LHFPL6: variants seen among roughly 807,000 people sequenced by gnomAD.
LHFPL6 encodes the protein LHFPL tetraspan subfamily member 6 protein.
In LHFPL6, 9 loss-of-function variants were observed where a neutral mutation model predicts 20.6. The ratio of observed to expected loss-of-function variants is 0.44; its 90% CI spans 0.26 to 0.76. LHFPL6 has a LOEUF of 0.76. Among genes scored for constraint, LHFPL6 ranks in the 30% least tolerant of loss-of-function variants. The probability of loss-of-function intolerance (pLI) is 0.20; values close to 1 mark genes in which losing one functional copy is unlikely to be tolerated. For synonymous variants in LHFPL6, 105 were observed against 98.7 expected, an observed-to-expected ratio of 1.06 and a Z score of -0.38; for missense variants, 218 against 253.5, an observed-to-expected ratio of 0.86 and a Z score of 0.95.
chr13:39,600,955 C>G lies in LHFPL6; in HGVS notation c.262G>C (p.Val88Leu). 6.2e-7 allele frequency: 1 copy of G among 1,611,874 alleles called. No homozygotes were observed. The highest frequency in any genetic ancestry group is 1.1e-5 in the South Asian group (1 of 90,772). ...AGGAGGCCACAACCCAGGCCGGTCA[C>G]TATGGTGCAGATCCTCCATTCTGCG... ...PSAEWRICTI[V>L]TGLGCGLLLL... The change falls in exon 2 of 4, where the codon GTG becomes CTG. Residue 88 changes from valine to leucine, a missense_variant. By Grantham distance (32) the Val-to-Leu change is conservative. Coordinates refer to ENST00000379589, the MANE Select transcript of LHFPL6 (RefSeq NM_005780.3).
rs10400611 is a variant in LHFPL6, at chr13:39,411,706, G to C, written c.386-33180C>G. ...TGACATATCTGTGTGGGAATGTTAT[G>C]AGTATGCTTCTGTATTTGCAATGGA... is the stretch of plus-strand genomic sequence containing the variant. On this transcript the variant is annotated intron_variant, in intron 2 of 3. Transcript: ENST00000379589. 9.5e-3 allele frequency among the ~76,000 whole-genome samples: 1,454 copies of C among 152,294 alleles called. 25 individuals carry two copies. Among genetic ancestry groups the C allele is most frequent in the African/African-American group, 0.033 (1,373 of 41,554 alleles).
intron 2 of LHFPL6, among the ~76,000 whole-genome samples, chr13:39,597,194 G>A (rs1872796506): frequency 6.6e-6 from 1 of 152,108 alleles, no homozygotes; most frequent in Admixed American, 6.6e-5. Flanking sequence ...ACTAAACATG[G>A]AATAATATAA....
chr13:39,535,780 T>A (rs1212266505), intron 2 of LHFPL6, among the ~76,000 whole-genome samples: 1 of 152,212 alleles, frequency 6.6e-6, no homozygotes, highest in Non-Finnish European at 1.5e-5. Context: ...CCATCATTCT[T>A]CTGCTGTGAT....
chr13:39,473,058 T>C (rs1309741918), intron 2 of LHFPL6, among the ~76,000 whole-genome samples: 1 of 152,070 alleles, frequency 6.6e-6, no homozygotes, highest in African/African-American at 2.4e-5. Flanking sequence ...AGGTGGGGCA[T>C]GTGTCTCCGG....
chr13:39,372,037 C>A (rs1870178785), intron 3 of LHFPL6, among the ~76,000 whole-genome samples: 1 of 152,234 alleles, frequency 6.6e-6, no homozygotes, highest in Non-Finnish European at 1.5e-5. Flanking sequence ...ACAGACAGTT[C>A]TTCCTGAACA....
rs566167694 is a variant in LHFPL6, at chr13:39,465,581, G to A, written c.386-87055C>T. Among the ~76,000 whole-genome samples, 7 of 152,250 alleles carry A rather than the reference G, an allele frequency of 4.6e-5. No individual in the cohort carries two copies. The South Asian group carries it at 8.3e-4, about 18-fold the overall frequency. On this transcript the variant is annotated intron_variant, in intron 2 of 3. Transcript: ENST00000379589. ...CGGGCACCCAATTCCTAGGGGAAGC[G>A]TTCAGAGTTGAGCATGTCATATAAG...
At chr13:39,487,464 C>G (rs1318076580) in intron 2 of LHFPL6, among the ~76,000 whole-genome samples, 1 of 152,144 alleles carries the variant, frequency 6.6e-6, no homozygotes, top group Non-Finnish European at 1.5e-5. Flanking sequence ...GTGTGGCCAA[C>G]TGTGAAATAA....
At chr13:39,545,201 A>C (rs971865677) in intron 2 of LHFPL6, among the ~76,000 whole-genome samples, 6 of 146,964 alleles carry the variant, frequency 4.1e-5, no homozygotes, top group South Asian at 2.2e-4. Flanking sequence ...AGCCGAGATC[A>C]CACCACTGCA....
chr13:39,450,032 T>C (rs1872399395), intron 2 of LHFPL6, among the ~76,000 whole-genome samples: 4 of 152,204 alleles, frequency 2.6e-5, no homozygotes, highest in Non-Finnish European at 5.9e-5. Flanking sequence ...TCAAATTCTT[T>C]GCTCTGTCTT....
chr13:39,452,635 A>G (rs1378409300), intron 2 of LHFPL6, among the ~76,000 whole-genome samples: 3 of 152,186 alleles, frequency 2.0e-5, no homozygotes, highest in African/African-American at 7.2e-5. Context: ...TTATGATGAT[A>G]CCCAGACACC....
At chr13:39,422,300 G>C (rs543238814) in intron 2 of LHFPL6, among the ~76,000 whole-genome samples, 2 of 152,164 alleles carry the variant, frequency 1.3e-5, no homozygotes, top group East Asian at 3.9e-4. Context: ...TGCAGTTAAC[G>C]TCAAGAAGAA....
At chr13:39,598,158 G>A (rs751254882) in intron 2 of LHFPL6, among the ~76,000 whole-genome samples, 8 of 152,212 alleles carry the variant, frequency 5.3e-5, no homozygotes, top group Non-Finnish European at 1.0e-4. Flanking sequence ...ATTCTGCCGA[G>A]TCTTTATGAA....
intron 2 of LHFPL6, among the ~76,000 whole-genome samples, chr13:39,558,633 A>C (rs1415974469): frequency 6.6e-6 from 1 of 152,200 alleles, no homozygotes; most frequent in East Asian, 1.9e-4. Flanking sequence ...TCATTAAAGC[A>C]GTTCTGACAC....
At chr13:39,444,218 T>C (rs1008455327) in intron 2 of LHFPL6, among the ~76,000 whole-genome samples, 4 of 152,180 alleles carry the variant, frequency 2.6e-5, no homozygotes, top group African/African-American at 9.7e-5. Context: ...TAGCTTCTTT[T>C]AGATACTTAC....
chr13:39,560,805 G>A (rs1015505739), intron 2 of LHFPL6, among the ~76,000 whole-genome samples: 1 of 152,084 alleles, frequency 6.6e-6, no homozygotes, highest in Admixed American at 6.5e-5. Flanking sequence ...GTGAGCCACC[G>A]CGCCCTGCTG....
intron 3 of LHFPL6, among the ~76,000 whole-genome samples, chr13:39,347,995 T>A (rs1168679039): frequency 1.3e-5 from 2 of 152,250 alleles, no homozygotes; most frequent in Non-Finnish European, 2.9e-5. Context: ...CTGAGGCTAA[T>A]TATTTGAAAA....
At chr13:39,351,489 AT>A (rs764106324) in intron 3 of LHFPL6, among the ~76,000 whole-genome samples, 125 of 151,362 alleles carry the variant, frequency 8.3e-4, no homozygotes, top group Admixed American at 1.4e-3. Flanking sequence ...CATTTTTCTC[AT>A]TTGTTAAATA....
At chr13:39,446,154 T>A (rs1872283472) in intron 2 of LHFPL6, among the ~76,000 whole-genome samples, 1 of 152,142 alleles carries the variant, frequency 6.6e-6, no homozygotes, top group Non-Finnish European at 1.5e-5. Flanking sequence ...AAAATGACTT[T>A]GGGATGATAA....
intron 2 of LHFPL6, among the ~76,000 whole-genome samples, chr13:39,452,492 G>A (rs1872476160): frequency 6.6e-6 from 1 of 152,184 alleles, no homozygotes; most frequent in Non-Finnish European, 1.5e-5. Context: ...AATTGCCTAT[G>A]TTACGATAAT....
Sources: gnomAD v4.1 joint callset for allele counts (sites outside exome capture counted in the v4.1 genomes callset) on GRCh38, gnomAD v4.1.1 for gene constraint, MANE v1.5 for transcripts, NCBI Gene and HGNC (gene_info 2026-07-23, HGNC 2026-07-21) for gene names.